ERN2: variants seen among roughly 807,000 people sequenced by gnomAD.
ERN2 encodes the protein serine/threonine-protein kinase/endoribonuclease IRE2.
ERN2 carries 111 observed loss-of-function variants against 107.9 expected under a neutral mutation model. The ratio of observed to expected loss-of-function variants is 1.03; its 90% confidence interval spans 0.88 to 1.20. ERN2 has a LOEUF of 1.20. ERN2 is among the 50% of genes most tolerant of loss of function. The pLI is 0.00. For missense variants in ERN2, 1,225 were observed against 1,197.9 expected (o/e 1.02, Z -0.33); for synonymous variants, 524 against 501.7 (o/e 1.04, Z -0.59).
At chr16:23,708,426 G>C (rs1482888142) in intron 4 of ERN2, among the ~76,000 whole-genome samples, 1 of 141,052 alleles carries the variant, frequency 7.1e-6, no homozygotes, top group African/African-American at 2.7e-5. Context: ...GTGCGGTCTT[G>C]GCTCGCTGCA....
At chr16:23,709,399 T>G (rs1960452388) in intron 4 of ERN2, 1 of 296,028 alleles carries the variant, frequency 3.4e-6, no homozygotes, top group Non-Finnish European at 6.7e-6. Flanking sequence ...CACAGATTGC[T>G]TTTCATCTTG....
At chr16:23,695,840 C>G (rs952909475) in intron 14 of ERN2, 54 bp downstream of exon 14, 1 of 1,394,608 alleles carries the variant, frequency 7.2e-7, no homozygotes, top group African/African-American at 1.4e-5. Context: ...GGGGACAGTG[C>G]CCACGAGGGC....
intron 13 of ERN2, among the ~76,000 whole-genome samples, chr16:23,700,155 C>T (rs1567247825): frequency 6.6e-6 from 1 of 152,062 alleles, no homozygotes; most frequent in South Asian, 2.1e-4. Flanking sequence ...ATAGCGAGAC[C>T]CAATCTCTGC....
At chr16:23,706,938 A>T in intron 5 of ERN2, 69 bp downstream of exon 5, 1 of 1,574,644 alleles carries the variant, frequency 6.4e-7, no homozygotes, top group South Asian at 1.1e-5. Context: ...GTGCCTAATT[A>T]GCCGTCACGA....
rs369453354 is a variant in ERN2, at chr16:23,696,027, C to G, written c.1526-49G>C. On this transcript the variant is annotated intron_variant, in intron 13 of 21. Transcript: ENST00000256797. ...TCAGGGAGCCTCTGCCCACCTTTGC[C>G]GGCCACTGGCCCAGTCCAGACTCAC... 3 of 1,407,994 alleles carry G rather than the reference C, an allele frequency of 2.1e-6. No individual in the cohort carries two copies. The South Asian group carries it at 3.5e-5, about 16-fold the overall frequency. 87.2% of individuals were successfully genotyped at this position (1,407,994 alleles called of 1,614,324 possible).
chr16:23,708,951 T>C (rs1043065312), intron 4 of ERN2, among the ~76,000 whole-genome samples: 2 of 152,248 alleles, frequency 1.3e-5, no homozygotes, highest in Non-Finnish European at 2.9e-5. Context: ...TACTGCACTA[T>C]CCCTTGTGGT....
At chr16:23,711,842 C>A (rs953433849) in intron 1 of ERN2, 1 of 187,252 alleles carries the variant, frequency 5.3e-6, no homozygotes, top group Non-Finnish European at 1.2e-5. Context: ...CAATGTCTAC[C>A]TCTTTTGGGA....
At chr16:23,709,649 C>T (rs1960462390) in intron 4 of ERN2, 1 of 181,700 alleles carries the variant, frequency 5.5e-6, no homozygotes, top group Admixed American at 5.4e-5. Context: ...GGATAAGAGA[C>T]ATATGGCCCA....
chr16:23,702,606 T>C lies in ERN2; in HGVS notation c.933+18A>G. The C allele has an allele frequency of 6.2e-7, 1 of 1,614,140 alleles. No homozygotes were observed. Among genetic ancestry groups the C allele is most frequent in the Non-Finnish European group, 8.5e-7 (1 of 1,179,990 alleles). ...CCCGTTCATCCTCTTTCCAGCCCAC[T>C]CAGAGACCACTTCTTACCACCAGGG... On this transcript the variant is annotated intron_variant, in intron 9 of 21. Coordinates refer to ENST00000256797, the MANE Select transcript of ERN2 (RefSeq NM_033266.4).
Position 23,713,065 on chromosome 16 carries a change from G to A in ERN2, c.93+30C>T, listed in dbSNP as rs767933020. On this transcript the variant is annotated intron_variant, in intron 1 of 21. Coordinates refer to ENST00000256797, the MANE Select transcript of ERN2 (RefSeq NM_033266.4). ...CCCCTGCGCCCCGCGACCAGACTTT[G>A]GGGACTTGGCGTCGGTCCCTGGCTC... 14 of 1,482,744 alleles carry A rather than the reference G, an allele frequency of 9.4e-6. No individual in the cohort carries two copies. The South Asian group carries it at 1.8e-4, about 19-fold the overall frequency. 91.8% of individuals were successfully genotyped at this position (1,482,744 alleles called of 1,614,324 possible). A position where few individuals can be genotyped will look rare whatever the true frequency, so the allele number is the denominator to read the frequency against.
Position 23,710,919 on chromosome 16 carries a change from TCA to T in ERN2, c.191_192del (p.Leu64GlnfsTer3). On this transcript the variant is annotated frameshift_variant, in exon 2 of 22. Coordinates refer to ENST00000256797, the MANE Select transcript of ERN2 (RefSeq NM_033266.4). LOFTEE classifies it high-confidence loss of function. ...SKQTGDLKWT[L>X]RDDPVIEGPM... ...GGGACCACCTCTTGCTCACCATCCCTCAGAGTCCACTTCAGGTCCCCTGTCTG... is the reference window on the plus strand; with the variant it reads ...GGGACCACCTCTTGCTCACCATCCCTGAGTCCACTTCAGGTCCCCTGTCTG... The T allele has an allele frequency of 6.2e-7, 1 of 1,612,204 alleles. No homozygotes were observed. The highest frequency in any genetic ancestry group is 8.5e-7 in the Non-Finnish European group (1 of 1,178,220).
At chr16:23,704,127 C>G (rs1031340900) in intron 8 of ERN2, among the ~76,000 whole-genome samples, 1 of 152,166 alleles carries the variant, frequency 6.6e-6, no homozygotes. Context: ...ACTGGTTTAT[C>G]AAGATGGGGA....
intron 1 of ERN2, chr16:23,712,171 C>T (rs140911282): frequency 3.7e-6 from 1 of 267,962 alleles, no homozygotes; most frequent in African/African-American, 2.3e-5. Context: ...GCTAGCCCCT[C>T]TTTCTTTCTG....
chr16:23,690,804 G>A lies in ERN2; in HGVS notation c.*27C>T, dbSNP rs777202531. Reference sequence around the variant, plus strand: ...CAGCTCTTCAGTGAGCCAGCACGGAGACCATCTGTGTGGCATCCAGCCCAC... The same window carrying A: ...CAGCTCTTCAGTGAGCCAGCACGGAAACCATCTGTGTGGCATCCAGCCCAC... On this transcript the variant is annotated 3_prime_UTR_variant, in exon 22 of 22. Coordinates refer to ENST00000256797, the MANE Select transcript of ERN2 (RefSeq NM_033266.4). 1.9e-6 allele frequency: 3 copies of A among 1,581,138 alleles called. No individual in the cohort carries two copies. The highest frequency in any genetic ancestry group is 2.6e-6 in the Non-Finnish European group (3 of 1,160,284).
chr16:23,708,228 T>C (rs901805683), intron 4 of ERN2, among the ~76,000 whole-genome samples: 1 of 152,052 alleles, frequency 6.6e-6, no homozygotes, highest in Non-Finnish European at 1.5e-5. Flanking sequence ...CTGCATGATA[T>C]GTTTTGGATT....
chr16:23,696,571 G>A (rs952757304), intron 13 of ERN2: 1 of 152,532 alleles, frequency 6.6e-6, no homozygotes, highest in African/African-American at 2.4e-5. Flanking sequence ...AACCTGCCCA[G>A]AGTTAGTTCC....
At chr16:23,708,328 C>G (rs1226332992) in intron 4 of ERN2, among the ~76,000 whole-genome samples, 4 of 129,910 alleles carry the variant, frequency 3.1e-5, no homozygotes, top group Non-Finnish European at 6.5e-5. Context: ...GGGGCCAGAT[C>G]TTTCCATTTG....
At chr16:23,712,499 A>T (rs34017673) in intron 1 of ERN2, 2 of 154,528 alleles carry the variant, frequency 1.3e-5, no homozygotes, top group African/African-American at 4.8e-5. Context: ...CTTTTGCCCC[A>T]TGGGGGTTCT....
chr16:23,706,571 A>T, intron 6 of ERN2, 140 bp from the exon 7 acceptor site: 1 of 754,030 alleles, frequency 1.3e-6, no homozygotes, highest in Non-Finnish European at 2.2e-6. Context: ...TCACAGTGGC[A>T]GAGACTGGAG....
Sources: allele counts gnomAD v4.1 joint callset (sites outside exome capture counted in the v4.1 genomes callset), GRCh38; gene constraint gnomAD v4.1.1; transcripts MANE v1.5; gene names NCBI Gene and HGNC (gene_info 2026-07-23, HGNC 2026-07-21).